The following ASTN2 variants were observed in gnomAD, a reference collection of about 807,000 sequenced individuals.
The protein encoded by ASTN2 is astrotactin 2.
In ASTN2, 54 loss-of-function variants were observed where a neutral mutation model predicts 139.8. The observed-to-expected ratio is 0.39, with a 90% CI of 0.31 to 0.48. The LOEUF (loss-of-function observed/expected upper bound fraction) is 0.48. ASTN2 is among the 20% of genes least tolerant of loss of function. ASTN2 has a pLI of 0.95. For missense variants in ASTN2, 1,565 were observed against 1,725.1 expected, an observed-to-expected ratio of 0.91 and a Z score of 1.64; for synonymous variants, 756 against 719.5, an observed-to-expected ratio of 1.05 and a Z score of -0.81.
chr9:116,624,297 T>G (rs1319685921), intron 17 of ASTN2, among the ~76,000 whole-genome samples: 1 of 152,212 alleles, frequency 6.6e-6, no homozygotes, highest in African/African-American at 2.4e-5. Flanking sequence ...AGATATGTTT[T>G]CTAAGGTTTA....
chr9:117,134,266 T>TTATATATATATATATATATATA (rs5900267), intron 4 of ASTN2, among the ~76,000 whole-genome samples: 1 of 92,614 alleles, frequency 1.1e-5, no homozygotes, highest in African/African-American at 5.1e-5. Flanking sequence ...CTAATGAAAA[T>TTATATATATATATATATATATA]TATATATATA....
intron 11 of ASTN2, among the ~76,000 whole-genome samples, chr9:116,852,634 AG>A (rs1425420651): frequency 6.6e-6 from 1 of 152,192 alleles, no homozygotes; most frequent in Non-Finnish European, 1.5e-5. Flanking sequence ...TGGAGAATAC[AG>A]GCAAAAGGAT....
At chr9:117,319,960 C>T (rs1274812930) in intron 1 of ASTN2, among the ~76,000 whole-genome samples, 1 of 152,186 alleles carries the variant, frequency 6.6e-6, no homozygotes, top group Admixed American at 6.5e-5. Flanking sequence ...AATTGATTCA[C>T]TGAAAGTGGA....
intron 10 of ASTN2, among the ~76,000 whole-genome samples, chr9:116,919,638 T>A (rs1021716229): frequency 7.1e-5 from 10 of 140,762 alleles, no homozygotes; most frequent in Admixed American, 6.5e-4. Flanking sequence ...TACAAAAACA[T>A]CATTTTTTTT....
At chr9:117,315,259 T>C (rs1052287563) in intron 1 of ASTN2, among the ~76,000 whole-genome samples, 15 of 152,120 alleles carry the variant, frequency 9.9e-5, no homozygotes, top group African/African-American at 3.1e-4. Context: ...ACAAGCACAG[T>C]GGTGTTTAAG....
At position 117,380,552 on chromosome 9, in the gene ASTN2, C is replaced by G. The variant is rs909652188; in HGVS notation, c.442+33945G>C. ...CCCAGGAGGTGGAGGTTGCAGTGAG[C>G]TGAGATCACACCACTGCACTCCAGC... On this transcript the variant is annotated intron_variant, in intron 1 of 22. Coordinates refer to ENST00000313400, the MANE Select transcript of ASTN2 (RefSeq NM_001365068.1). Among the ~76,000 whole-genome samples the G allele has an allele frequency of 5.4e-5, 8 of 148,890 alleles. No individual in the cohort carries two copies. The Admixed American group carries it at 5.4e-4, about 10-fold the overall frequency.
chr9:116,443,613 G>C (rs968359801), intron 20 of ASTN2, among the ~76,000 whole-genome samples: 2 of 152,076 alleles, frequency 1.3e-5, no homozygotes, highest in African/African-American at 4.8e-5. Flanking sequence ...TGTGACCCTT[G>C]TATTCCCAGA....
chr9:116,778,409 T>TTTATG (rs3041037), intron 13 of ASTN2, among the ~76,000 whole-genome samples: 1 of 151,844 alleles, frequency 6.6e-6, no homozygotes, highest in Non-Finnish European at 1.5e-5. Context: ...TTTATTTTAT[T>TTTATG]ACTATTATTT....
chr9:116,647,413 A>G (rs1046876567), intron 17 of ASTN2, among the ~76,000 whole-genome samples: 1 of 152,164 alleles, frequency 6.6e-6, no homozygotes, highest in Non-Finnish European at 1.5e-5. Flanking sequence ...ACATCTAGTG[A>G]CCACTTTCAC....
At chr9:116,523,093 T>C (rs932463538) in intron 19 of ASTN2, among the ~76,000 whole-genome samples, 9 of 152,210 alleles carry the variant, frequency 5.9e-5, no homozygotes, top group African/African-American at 2.2e-4. Flanking sequence ...TATTATAATG[T>C]TGTAGGAGAC....
At position 117,275,553 on chromosome 9, in the gene ASTN2, T is replaced by G. The variant is rs566623740; in HGVS notation, c.630+15773A>C. On this transcript the variant is annotated intron_variant, in intron 2 of 22. Transcript: ENST00000313400. ...TGGGTGTGCTTTCACTGATGTCTTTTATCTCTCCCTCTTTTTTTTTTTTTT... is the reference window on the plus strand; with the variant it reads ...TGGGTGTGCTTTCACTGATGTCTTTGATCTCTCCCTCTTTTTTTTTTTTTT... Among the ~76,000 whole-genome samples, 454 of 147,282 alleles carry G rather than the reference T, an allele frequency of 3.1e-3. 3 individuals are homozygous for G. Among genetic ancestry groups the G allele is most frequent in the African/African-American group, 0.01 (423 of 40,408 alleles).
chr9:117,006,221 G>C (rs1837350150), intron 7 of ASTN2, among the ~76,000 whole-genome samples: 1 of 152,110 alleles, frequency 6.6e-6, no homozygotes, highest in African/African-American at 2.4e-5. Flanking sequence ...CAATTTAGCA[G>C]GGGGCTCTTA....
At chr9:116,917,990 T>C (rs1221582920) in intron 10 of ASTN2, among the ~76,000 whole-genome samples, 1 of 152,170 alleles carries the variant, frequency 6.6e-6, no homozygotes, top group Non-Finnish European at 1.5e-5. Context: ...TCCCATGCTA[T>C]TCTCATGATA....
chr9:117,013,450 A>G (rs1402997245), intron 6 of ASTN2, among the ~76,000 whole-genome samples: 1 of 143,486 alleles, frequency 7.0e-6, no homozygotes, highest in African/African-American at 2.5e-5. Flanking sequence ...TCAAAATGTC[A>G]TGTTTCCTTA....
intron 11 of ASTN2, among the ~76,000 whole-genome samples, chr9:116,822,742 A>G (rs1399575550): frequency 6.6e-6 from 1 of 152,254 alleles, no homozygotes; most frequent in Non-Finnish European, 1.5e-5. Context: ...TAGCAAATAT[A>G]TGAGGTAGAG....
At chr9:116,714,539 T>C (rs1176771639) in intron 16 of ASTN2, among the ~76,000 whole-genome samples, 2 of 152,150 alleles carry the variant, frequency 1.3e-5, no homozygotes, top group Non-Finnish European at 2.9e-5. Flanking sequence ...CATTTAAATC[T>C]CATAACAATA....
chr9:116,534,222 T>A (rs1851502837), intron 19 of ASTN2, among the ~76,000 whole-genome samples: 1 of 152,212 alleles, frequency 6.6e-6, no homozygotes, highest in Admixed American at 6.5e-5. Flanking sequence ...CTTTATCATT[T>A]TTTATTGCGT....
chr9:117,210,504 C>G lies in ASTN2; in HGVS notation c.1015+3854G>C, dbSNP rs1457294380. 2.0e-5 allele frequency among the ~76,000 whole-genome samples: 3 copies of G among 151,886 alleles called. No homozygotes were observed. The East Asian group carries it at 5.8e-4, about 29-fold the overall frequency. On this transcript the variant is annotated intron_variant, in intron 3 of 22. Coordinates refer to ENST00000313400, the MANE Select transcript of ASTN2 (RefSeq NM_001365068.1). ...CACACAGAACTCAACAAAATTGAAC[C>G]ACAAAGAAATGGAAAACCTTAACAG...
intron 19 of ASTN2, among the ~76,000 whole-genome samples, chr9:116,565,215 A>ACAC (rs1853120897): frequency 2.2e-5 from 3 of 134,268 alleles, no homozygotes; most frequent in Non-Finnish European, 1.6e-5. Context: ...GCTTGCCACA[A>ACAC]ACACACACAC....
Sources: allele counts gnomAD v4.1 joint callset (sites outside exome capture counted in the v4.1 genomes callset), GRCh38; gene constraint gnomAD v4.1.1; transcripts MANE v1.5; gene names NCBI Gene and HGNC (gene_info 2026-07-23, HGNC 2026-07-21).